CDH2: variants seen among roughly 807,000 people sequenced by gnomAD.
CDH2 encodes cadherin-2.
CDH2 carries 17 observed loss-of-function variants against 92.0 expected under a neutral mutation model. The observed-to-expected ratio is 0.18, with a 90% CI of 0.13 to 0.28. The LOEUF (loss-of-function observed/expected upper bound fraction) is 0.28. Among genes scored for constraint, CDH2 ranks in the 10% least tolerant of loss-of-function variants. CDH2 has a pLI of 1.00. For synonymous variants in CDH2, 419 were observed against 415.9 expected, an observed-to-expected ratio of 1.01 and a Z score of -0.09; for missense variants, 862 against 1,133.1, an observed-to-expected ratio of 0.76 and a Z score of 3.44.
intron 2 of CDH2, among the ~76,000 whole-genome samples, chr18:28,019,421 G>C (rs2013346563): frequency 6.6e-6 from 1 of 152,030 alleles, no homozygotes; most frequent in Admixed American, 6.6e-5. Flanking sequence ...TAGGATAAGG[G>C]TTTGACAGAC....
chr18:28,013,405 ACTT>A (rs1422706090), intron 3 of CDH2, among the ~76,000 whole-genome samples: 1 of 152,190 alleles, frequency 6.6e-6, no homozygotes, highest in East Asian at 1.9e-4. Context: ...AGCTTGTAAA[ACTT>A]CTAAGAAATT....
At chr18:28,036,537 T>TA in intron 2 of CDH2, 2 of 1,604,746 alleles carry the variant, frequency 1.2e-6, no homozygotes, top group Non-Finnish European at 1.7e-6. Flanking sequence ...CATAACGCCT[T>TA]AATAAAAACA....
intron 2 of CDH2, among the ~76,000 whole-genome samples, chr18:28,134,429 G>C (rs1008191191): frequency 6.6e-6 from 1 of 152,094 alleles, no homozygotes; most frequent in Non-Finnish European, 1.5e-5. Context: ...ATGTTGAGCA[G>C]CTAGACTAGT....
chr18:28,170,731 G>A (rs2016451955), intron 1 of CDH2, among the ~76,000 whole-genome samples: 1 of 152,118 alleles, frequency 6.6e-6, no homozygotes. Flanking sequence ...AGTAGAAAAT[G>A]TTTTGTTCCC....
In CDH2 at chr18:28,177,117, C is replaced by T. The variant is rs2016561686; in HGVS notation, c.-95G>A. On this transcript the variant is annotated 5_prime_UTR_variant, in exon 1 of 16. Coordinates refer to ENST00000269141, the MANE Select transcript of CDH2 (RefSeq NM_001792.5). ...GAGGCAGCGGCAGCACCAACAGCGGCGCGGAGAAACGGCTCCAGGCAGTTT... is the reference window on the plus strand; with the variant it reads ...GAGGCAGCGGCAGCACCAACAGCGGTGCGGAGAAACGGCTCCAGGCAGTTT... 4.6e-6 allele frequency: 4 copies of T among 863,768 alleles called. No homozygotes were observed. Among genetic ancestry groups the T allele is most frequent in the South Asian group, 1.7e-5 (1 of 59,492 alleles). The allele number at this position is 863,768 out of a possible 1,614,324, so 53.5% of individuals were successfully genotyped here. A position where few individuals can be genotyped will look rare whatever the true frequency, so the allele number is the denominator to read the frequency against.
chr18:28,136,460 A>C (rs990797143), intron 2 of CDH2, among the ~76,000 whole-genome samples: 2 of 151,734 alleles, frequency 1.3e-5, no homozygotes, highest in African/African-American at 4.8e-5. Flanking sequence ...CGTTTATCAG[A>C]GTTTACTCAT....
chr18:28,166,170 A>ATATATATATATATATATATG (rs1020592723), intron 1 of CDH2, among the ~76,000 whole-genome samples: 12 of 136,044 alleles, frequency 8.8e-5, no homozygotes, highest in African/African-American at 3.4e-4. Context: ...ATATATATAT[A>ATATATATATATATATATATG]TATGTCTGTA....
At chr18:27,936,727 G>A (rs1909028789) in intron 6 of CDH2, among the ~76,000 whole-genome samples, 1 of 152,064 alleles carries the variant, frequency 6.6e-6, no homozygotes, top group Non-Finnish European at 1.5e-5. Flanking sequence ...TAGAGATGGG[G>A]TCCCACTGTG....
At chr18:28,026,915 G>A (rs1488718521) in intron 2 of CDH2, among the ~76,000 whole-genome samples, 2 of 152,178 alleles carry the variant, frequency 1.3e-5, no homozygotes, top group East Asian at 1.9e-4. Context: ...TAAGCATGAC[G>A]ACATGTTCAA....
intron 13 of CDH2, among the ~76,000 whole-genome samples, chr18:27,983,413 T>C (rs1039383972): frequency 8.5e-5 from 13 of 152,326 alleles, no homozygotes; most frequent in African/African-American, 2.6e-4. Context: ...TAGAGGATAG[T>C]TGCCCTTCAT....
At chr18:27,961,640 T>C (rs2011407054) in intron 15 of CDH2, among the ~76,000 whole-genome samples, 1 of 152,276 alleles carries the variant, frequency 6.6e-6, no homozygotes, top group South Asian at 2.1e-4. Flanking sequence ...AGATGAGGAA[T>C]AGCCTTTATA....
chr18:28,043,892 T>G (rs1213295137), intron 2 of CDH2, among the ~76,000 whole-genome samples: 47 of 18,946 alleles, frequency 2.5e-3, no homozygotes, highest in African/African-American at 0.023. Flanking sequence ...AATCTCGGAT[T>G]TTTTTTTTTT....
intron 2 of CDH2, among the ~76,000 whole-genome samples, chr18:28,115,751 G>T (rs1366668440): frequency 6.6e-6 from 1 of 152,044 alleles, no homozygotes; most frequent in Non-Finnish European, 1.5e-5. Flanking sequence ...TGAATTTTAC[G>T]ACACTTTTTT....
At chr18:28,060,801 C>A (rs17446176) in intron 2 of CDH2, among the ~76,000 whole-genome samples, 3,671 of 152,244 alleles carry the variant, frequency 0.024, 62 homozygotes, top group East Asian at 0.054. Flanking sequence ...CTTTAAAGAA[C>A]CCTGGCTCCT....
intron 1 of CDH2, among the ~76,000 whole-genome samples, chr18:28,167,009 C>T (rs2016395288): frequency 6.6e-6 from 1 of 151,962 alleles, no homozygotes. Context: ...AGTAGAAACC[C>T]CTCAATGTAC....
chr18:28,067,769 CT>C (rs2014537724), intron 2 of CDH2, among the ~76,000 whole-genome samples: 1 of 152,066 alleles, frequency 6.6e-6, no homozygotes, highest in Non-Finnish European at 1.5e-5. Flanking sequence ...AAATAATTTA[CT>C]TTGTGTTCAA....
At chr18:28,088,260 T>A (rs745766478) in intron 2 of CDH2, among the ~76,000 whole-genome samples, 1 of 152,190 alleles carries the variant, frequency 6.6e-6, no homozygotes, top group African/African-American at 2.4e-5. Flanking sequence ...TTGATACTCA[T>A]AAAGTCAACT....
chr18:28,082,936 T>G (rs1316423083), intron 2 of CDH2, among the ~76,000 whole-genome samples: 2 of 152,230 alleles, frequency 1.3e-5, no homozygotes, highest in Non-Finnish European at 2.9e-5. Flanking sequence ...TAGGGTTTGC[T>G]GTTCTTCACA....
At chr18:27,975,705 T>C (rs2011803734) in intron 14 of CDH2, among the ~76,000 whole-genome samples, 1 of 152,156 alleles carries the variant, frequency 6.6e-6, no homozygotes, top group Admixed American at 6.5e-5. Context: ...CCTGCCAGTG[T>C]GGGCAAGAGG....
Sources: allele counts gnomAD v4.1 joint callset (sites outside exome capture counted in the v4.1 genomes callset), GRCh38; gene constraint gnomAD v4.1.1; transcripts MANE v1.5; gene names NCBI Gene and HGNC (gene_info 2026-07-23, HGNC 2026-07-21).